ZFAT: variants seen among roughly 807,000 people sequenced by gnomAD.
ZFAT encodes zinc finger protein ZFAT.
A neutral mutation model predicts 117.7 loss-of-function variants in ZFAT; 64 were observed. That is an observed-to-expected ratio of 0.54 (90% CI 0.44 to 0.67). The LOEUF is 0.67. Ranked by LOEUF, ZFAT falls within the 30% of genes least tolerant of loss-of-function variation. The pLI is 0.00. For missense variants in ZFAT, 1,433 were observed against 1,584.5 expected, an observed-to-expected ratio of 0.90 and a Z score of 1.62; for synonymous variants, 679 against 615.0, an observed-to-expected ratio of 1.10 and a Z score of -1.54.
upstream of ZFAT, among the ~76,000 whole-genome samples, chr8:134,713,481 T>A (rs1391934900): frequency 1.3e-5 from 2 of 152,196 alleles, no homozygotes; most frequent in Admixed American, 6.5e-5. Flanking sequence ...AGCTGCGGCG[T>A]TTCCCGAAGC....
intron 11 of ZFAT, among the ~76,000 whole-genome samples, chr8:134,549,498 C>A (rs1474475228): frequency 6.6e-6 from 1 of 151,780 alleles, no homozygotes; most frequent in East Asian, 1.9e-4. Context: ...TCCCCAGAGG[C>A]TGCTCAGTGC....
At chr8:134,611,774 T>C (rs2130976388) in intron 3 of ZFAT, among the ~76,000 whole-genome samples, 1 of 152,334 alleles carries the variant, frequency 6.6e-6, no homozygotes, top group South Asian at 2.1e-4. Flanking sequence ...GCCTGCTGCC[T>C]CTGGAAGGCC....
intron 15 of ZFAT, among the ~76,000 whole-genome samples, chr8:134,491,741 T>A (rs1818071696): frequency 6.6e-6 from 1 of 152,200 alleles, no homozygotes; most frequent in African/African-American, 2.4e-5. Flanking sequence ...ACACGTGTGA[T>A]CACACTGAGC....
upstream of ZFAT, among the ~76,000 whole-genome samples, chr8:134,716,247 G>A (rs1411173622): frequency 6.6e-6 from 1 of 151,788 alleles, no homozygotes; most frequent in Non-Finnish European, 1.5e-5. Context: ...AAAATCAGAG[G>A]TGGGAATAAT....
intron 15 of ZFAT, among the ~76,000 whole-genome samples, chr8:134,488,660 T>C (rs1490297572): frequency 2.0e-5 from 3 of 151,286 alleles, no homozygotes; most frequent in Admixed American, 6.6e-5. Flanking sequence ...AACAGAACCA[T>C]GAGGCCAGAT....
intron 2 of ZFAT, among the ~76,000 whole-genome samples, chr8:134,639,085 A>ATTAC (rs1487799469): frequency 6.6e-6 from 1 of 152,186 alleles, no homozygotes; most frequent in Non-Finnish European, 1.5e-5. Context: ...ATCTACTGCT[A>ATTAC]TTACCATGAG....
intron 9 of ZFAT, among the ~76,000 whole-genome samples, chr8:134,586,632 G>T (rs1826087085): frequency 1.3e-5 from 2 of 152,166 alleles, no homozygotes; most frequent in African/African-American, 4.8e-5. Flanking sequence ...CTGCCTTCTT[G>T]GCATTCTTTG....
chr8:134,787,207 A>G, the ZFAT span, among the ~76,000 whole-genome samples: 4 of 152,130 alleles, frequency 2.6e-5, no homozygotes, highest in Non-Finnish European at 5.9e-5. Flanking sequence ...CCCTGATTCT[A>G]TCACCACAAA....
intron 2 of ZFAT, among the ~76,000 whole-genome samples, chr8:134,648,233 A>G (rs1831013204): frequency 6.6e-6 from 1 of 151,622 alleles, no homozygotes; most frequent in Non-Finnish European, 1.5e-5. Context: ...ACTATCTCAA[A>G]TCAATAGCCT....
chr8:134,658,668 G>A (rs1035723142), intron 1 of ZFAT, among the ~76,000 whole-genome samples: 3 of 152,096 alleles, frequency 2.0e-5, no homozygotes, highest in African/African-American at 7.2e-5. Flanking sequence ...AATAATTATA[G>A]GTATATACAA....
At chr8:134,675,071 C>T (rs920410652) in intron 1 of ZFAT, among the ~76,000 whole-genome samples, 28 of 152,192 alleles carry the variant, frequency 1.8e-4, no homozygotes, top group Admixed American at 1.5e-3. Context: ...CACAACTCCT[C>T]GCCAGCGAGG....
At position 134,478,814 on chromosome 8, in the gene ZFAT, T is replaced by C. The variant is rs1472325500; in HGVS notation, c.3493-93A>G. The C allele has an allele frequency of 6.7e-7, 1 of 1,482,238 alleles. No individual in the cohort carries two copies. Among genetic ancestry groups the C allele is most frequent in the Middle Eastern group, 1.7e-4 (1 of 5,776 alleles). The allele number at this position is 1,482,238 out of a possible 1,614,324, so 91.8% of individuals were successfully genotyped here. A position where few individuals can be genotyped will look rare whatever the true frequency, so the allele number is the denominator to read the frequency against. ...ACAACTACAGTTTAGGAGGCACCAGTGCGCTGCGGGAGCACGTCCATTCTC... is the reference window on the plus strand; with the variant it reads ...ACAACTACAGTTTAGGAGGCACCAGCGCGCTGCGGGAGCACGTCCATTCTC... On this transcript the variant is annotated intron_variant, in intron 15 of 15. Transcript: ENST00000377838. This position sits in a 1 kb window ranked among gnomAD's most constrained non-coding sequence, Gnocchi z 5.2.
At chr8:134,783,113 C>T in the ZFAT span, among the ~76,000 whole-genome samples, 1 of 152,052 alleles carries the variant, frequency 6.6e-6, no homozygotes, top group African/African-American at 2.4e-5. Flanking sequence ...ACTATATCAA[C>T]CTTCTGTTAC....
chr8:134,584,031 T>C, intron 9 of ZFAT, 26 bp from the exon 10 acceptor site: 30 of 1,543,954 alleles, frequency 1.9e-5, no homozygotes, highest in Non-Finnish European at 2.6e-5. Flanking sequence ...TGTATATATC[T>C]CTATATATTT....
At chr8:134,505,954 C>T (rs760321903) in intron 15 of ZFAT, among the ~76,000 whole-genome samples, 3 of 152,068 alleles carry the variant, frequency 2.0e-5, no homozygotes, top group East Asian at 1.9e-4. Flanking sequence ...AATGAGTGCC[C>T]GTCAACCATA....
chr8:134,538,508 G>T (rs1822005244), intron 11 of ZFAT, among the ~76,000 whole-genome samples: 1 of 152,188 alleles, frequency 6.6e-6, no homozygotes. Flanking sequence ...TTCTCAAAAG[G>T]TATATTGGGC....
chr8:134,522,794 T>C (rs1269073465), intron 12 of ZFAT, among the ~76,000 whole-genome samples: 14 of 152,212 alleles, frequency 9.2e-5, no homozygotes. Flanking sequence ...CTCTGTCCAA[T>C]TATCCAGAAG....
the ZFAT span, among the ~76,000 whole-genome samples, chr8:134,737,065 G>A: frequency 3.3e-5 from 5 of 152,174 alleles, no homozygotes; most frequent in Non-Finnish European, 2.9e-5. Flanking sequence ...CAGATCACCT[G>A]AGGTCAGGTG....
chr8:134,830,274 A>G, the ZFAT span, among the ~76,000 whole-genome samples: 2 of 152,256 alleles, frequency 1.3e-5, no homozygotes, highest in African/African-American at 4.8e-5. Context: ...AGGACTGTAT[A>G]CAGACATATG....
Sources: allele counts gnomAD v4.1 joint callset (sites outside exome capture counted in the v4.1 genomes callset), GRCh38; gene constraint gnomAD v4.1.1; non-coding constraint Gnocchi (gnomAD v3.1); transcripts MANE v1.5; gene names NCBI Gene and HGNC (gene_info 2026-07-23, HGNC 2026-07-21).